The following DNAH14 variants were observed in gnomAD, a reference collection of about 807,000 sequenced individuals.
The protein encoded by DNAH14 is dynein axonemal heavy chain 14.
DNAH14 carries 478 observed loss-of-function variants against 520.9 expected under a neutral mutation model. That is an observed-to-expected ratio of 0.92 (90% CI 0.85 to 0.99). DNAH14 has a LOEUF of 0.99. Among genes scored for constraint, DNAH14 ranks in the 50% least tolerant of loss-of-function variants. The pLI is 0.00. For missense variants in DNAH14, 4,831 were observed against 5,234.5 expected, an observed-to-expected ratio of 0.92 and a Z score of 2.38; for synonymous variants, 1,581 against 1,757.2, an observed-to-expected ratio of 0.90 and a Z score of 2.51.
chr1:225,375,650 A>T, intron 78 of DNAH14, among the ~76,000 whole-genome samples: 1 of 152,166 alleles, frequency 6.6e-6, no homozygotes. Context: ...CATCTATAGA[A>T]TGGATAGCAA....
At chr1:225,057,368 A>G (rs2069264207) in intron 17 of DNAH14, among the ~76,000 whole-genome samples, 2 of 152,192 alleles carry the variant, frequency 1.3e-5, no homozygotes, top group Non-Finnish European at 2.9e-5. Context: ...TGATTTTTGC[A>G]CATTGATTTT....
chr1:225,199,498 C>T (rs941262281), intron 38 of DNAH14, among the ~76,000 whole-genome samples: 5 of 152,104 alleles, frequency 3.3e-5, no homozygotes, highest in African/African-American at 9.7e-5. Flanking sequence ...CCTCTTAGCA[C>T]TGCCTTTGCT....
intron 17 of DNAH14, among the ~76,000 whole-genome samples, chr1:225,061,210 A>G (rs1249732203): frequency 1.3e-5 from 2 of 152,156 alleles, no homozygotes; most frequent in Non-Finnish European, 2.9e-5. Flanking sequence ...AGCCTCGGCA[A>G]TGGCAGGTGC....
chr1:225,287,575 A>C (rs2093775654), intron 54 of DNAH14, among the ~76,000 whole-genome samples: 1 of 152,140 alleles, frequency 6.6e-6, no homozygotes, highest in East Asian at 1.9e-4. Flanking sequence ...ATTTTATAGG[A>C]ATGTGTGTCT....
rs772824831 is a variant in DNAH14 at position 225,097,236 on chromosome 1, G to A, written c.3692G>A (p.Arg1231Gln). 3.9e-6 allele frequency: 6 copies of A among 1,549,218 alleles called. No homozygotes were observed. Among genetic ancestry groups the A allele is most frequent in the East Asian group, 2.5e-5 (1 of 40,722 alleles). The change falls in exon 22 of 86, where the codon CGA becomes CAA. Residue 1231 changes from arginine to glutamine, a missense_variant. By Grantham distance (43) the Arg-to-Gln change is conservative (BLOSUM62 1). Coordinates refer to ENST00000682510, the MANE Select transcript of DNAH14 (RefSeq NM_001367479.1). ...LEPVFHSSEI[R>Q]RQLPAETELF... ...CCAGTCTTTCATTCTTCAGAAATAC[G>A]AAGGTAAAATACCTAAAATATACCA...
intron 75 of DNAH14, among the ~76,000 whole-genome samples, chr1:225,363,693 T>G (rs2095520237): frequency 6.6e-6 from 1 of 152,218 alleles, no homozygotes; most frequent in Non-Finnish European, 1.5e-5. Flanking sequence ...TTCGATTCCC[T>G]TATATCAAGT....
intron 30 of DNAH14, among the ~76,000 whole-genome samples, chr1:225,146,561 T>A (rs1018215368): frequency 6.6e-6 from 1 of 152,236 alleles, no homozygotes; most frequent in Non-Finnish European, 1.5e-5. Context: ...CTCTGGCAAG[T>A]GGCAGAAGCC....
At chr1:225,017,719 G>A (rs1459921787) in intron 10 of DNAH14, among the ~76,000 whole-genome samples, 3 of 152,174 alleles carry the variant, frequency 2.0e-5, no homozygotes, top group Non-Finnish European at 4.4e-5. Flanking sequence ...GCCCAGCTGG[G>A]GCTTGCCCAT....
At chr1:224,931,274 A>C (rs879881973) in intron 1 of DNAH14, among the ~76,000 whole-genome samples, 1 of 152,238 alleles carries the variant, frequency 6.6e-6, no homozygotes, top group African/African-American at 2.4e-5. Context: ...GCTCAGTGTT[A>C]TTACAAAAGA....
intron 71 of DNAH14, among the ~76,000 whole-genome samples, chr1:225,348,777 A>C (rs893495026): frequency 6.6e-6 from 1 of 152,226 alleles, no homozygotes; most frequent in Non-Finnish European, 1.5e-5. Context: ...AAACCATGTG[A>C]AAAATGTAAG....
Position 225,364,819 on chromosome 1 carries a change from C to A in DNAH14, c.12015C>A (p.Asp4005Glu). 6.5e-7 allele frequency: 1 copy of A among 1,548,216 alleles called. No homozygotes were observed. Among genetic ancestry groups the A allele is most frequent in the South Asian group, 1.2e-5 (1 of 83,632 alleles). Residue 4005 changes from aspartate to glutamate, a missense_variant, in exon 76 of 86, where the codon GAC (aspartate) becomes GAA (glutamate). Coordinates refer to ENST00000682510, the MANE Select transcript of DNAH14 (RefSeq NM_001367479.1). ...TTAATAGTCCAAACGTGACAATAGACCCTGAGTTTCGGCTATGGTTAAGCT... is the reference window on the plus strand; with the variant it reads ...TTAATAGTCCAAACGTGACAATAGAACCTGAGTTTCGGCTATGGTTAAGCT... Reference protein sequence around the residue: ...ESFNSPNVTIDPEFRLWLSSK... With the variant: ...ESFNSPNVTIEPEFRLWLSSK...
intron 22 of DNAH14, among the ~76,000 whole-genome samples, chr1:225,098,667 C>T (rs892898361): frequency 3.3e-5 from 5 of 152,064 alleles, no homozygotes; most frequent in African/African-American, 7.2e-5. Flanking sequence ...TTTGATTGAT[C>T]GGTAGTTATT....
intron 60 of DNAH14, among the ~76,000 whole-genome samples, chr1:225,317,833 G>A (rs2094493842): frequency 6.6e-6 from 1 of 151,944 alleles, no homozygotes; most frequent in South Asian, 2.1e-4. Flanking sequence ...CATACTTCTG[G>A]TGCCAGATCC....
At position 225,305,031 on chromosome 1, in the gene DNAH14, T is replaced by C; in HGVS notation, c.8947T>C (p.Phe2983Leu). The change falls in exon 58 of 86, where the codon TTT becomes CTT. Residue 2983 changes from phenylalanine (F) to leucine (L), a missense_variant. Physicochemically the swap from Phe to Leu is conservative, Grantham distance 22. Transcript: ENST00000682510. ...YYTTPNSYLQ[F>L]METFAHILRA... The stretch of plus-strand genomic sequence containing the variant: ...TACCACTCCCAATAGCTACTTGCAA[T>C]TTATGGAAACATTTGCACACATTTT... The C allele has an allele frequency of 6.5e-7, 1 of 1,545,108 alleles. No individual in the cohort carries two copies. The highest frequency in any genetic ancestry group is 8.7e-7 in the Non-Finnish European group (1 of 1,145,672).
At chr1:225,019,133 A>G (rs1340419378) in intron 10 of DNAH14, among the ~76,000 whole-genome samples, 1 of 152,214 alleles carries the variant, frequency 6.6e-6, no homozygotes. Context: ...GACAAACTGG[A>G]TAAAGAAGCA....
intron 4 of DNAH14, among the ~76,000 whole-genome samples, chr1:224,963,609 G>A (rs1027374338): frequency 2.6e-5 from 4 of 151,790 alleles, no homozygotes; most frequent in East Asian, 3.9e-4. Context: ...GCTTTTCTAC[G>A]TCAATACCAC....
At chr1:225,241,893 C>G (rs1026472504) in intron 43 of DNAH14, among the ~76,000 whole-genome samples, 1 of 152,150 alleles carries the variant, frequency 6.6e-6, no homozygotes, top group Non-Finnish European at 1.5e-5. Flanking sequence ...TTTATAAATA[C>G]TGTACACTTA....
intron 52 of DNAH14, among the ~76,000 whole-genome samples, chr1:225,274,510 G>T (rs1218622619): frequency 1.3e-5 from 2 of 152,044 alleles, no homozygotes; most frequent in African/African-American, 2.4e-5. Flanking sequence ...GTTATTTTTT[G>T]ACTTTTTAGT....
Position 225,049,047 on chromosome 1 carries a change from A to ATTTTT in DNAH14, c.1913-1137_1913-1133dup, listed in dbSNP as rs71170051. On this transcript the variant is annotated intron_variant, in intron 15 of 85. Coordinates refer to ENST00000682510, the MANE Select transcript of DNAH14 (RefSeq NM_001367479.1). ...AAATGTCTTTTTAGATCTCTTGCCT[A>ATTTTT]TTTTTTTTTTTTTTTTTTTTTTTTT... Among the ~76,000 whole-genome samples the ATTTTT allele has an allele frequency of 2.1e-4, 12 of 56,304 alleles. 2 individuals carry two copies. The highest frequency in any genetic ancestry group is 9.9e-4 in the African/African-American group (12 of 12,088). The allele number at this position is 56,304 out of a possible 152,430, so 36.9% of individuals were successfully genotyped here.
Sources: gnomAD v4.1 joint callset for allele counts (sites outside exome capture counted in the v4.1 genomes callset) on GRCh38, gnomAD v4.1.1 for gene constraint, MANE v1.5 for transcripts, NCBI Gene and HGNC (gene_info 2026-07-23, HGNC 2026-07-21) for gene names.